The following IKBKB-DT variants were observed in gnomAD, a reference collection of about 807,000 sequenced individuals.
IKBKB-DT encodes IKBKB antisense RNA.
At chr8:42,238,508 C>T (rs1365133275) in intron 3 of IKBKB-DT, among the ~76,000 whole-genome samples, 1 of 152,072 alleles carries the variant, frequency 6.6e-6, no homozygotes, top group South Asian at 2.1e-4. Flanking sequence ...TGGGAGGGGC[C>T]CAAATTTTGC....
chr8:42,254,008 A>G (rs147482705), intron 3 of IKBKB-DT, among the ~76,000 whole-genome samples: 5,553 of 152,348 alleles, frequency 0.036, 342 homozygotes, highest in African/African-American at 0.13. Context: ...TTCTTGGACC[A>G]GTATAAGCAT....
chr8:42,241,669 A>G (rs1807005648), intron 3 of IKBKB-DT, among the ~76,000 whole-genome samples: 1 of 152,232 alleles, frequency 6.6e-6, no homozygotes, highest in Admixed American at 6.5e-5. Flanking sequence ...TCAATGAGCA[A>G]CTAGAAACCT....
intron 3 of IKBKB-DT, among the ~76,000 whole-genome samples, chr8:42,241,920 A>G (rs988585481): frequency 6.6e-6 from 1 of 152,206 alleles, no homozygotes; most frequent in Non-Finnish European, 1.5e-5. Context: ...TACCCATTTA[A>G]AGTAAGCAGA....
At chr8:42,242,251 A>G (rs1807013739) in intron 3 of IKBKB-DT, among the ~76,000 whole-genome samples, 1 of 150,770 alleles carries the variant, frequency 6.6e-6, no homozygotes, top group Admixed American at 6.6e-5. Flanking sequence ...AAAAATAGAC[A>G]TAAGTAAATA....
intron 3 of IKBKB-DT, among the ~76,000 whole-genome samples, chr8:42,236,322 C>T (rs568390943): frequency 6.7e-6 from 1 of 150,302 alleles, no homozygotes; most frequent in Admixed American, 6.6e-5. Flanking sequence ...AGCCATGCTT[C>T]CTATGTAATT....
At chr8:42,255,624 A>G (rs1007248641) in intron 3 of IKBKB-DT, 3 of 152,210 alleles carry the variant, frequency 2.0e-5, no homozygotes, top group Non-Finnish European at 4.4e-5. Context: ...ATCGGATTAT[A>G]TGTTCATTTT....
At chr8:42,239,614 T>TTATATATATATATATGTATATATATA (rs1806972573) in intron 3 of IKBKB-DT, among the ~76,000 whole-genome samples, 1 of 19,910 alleles carries the variant, frequency 5.0e-5, no homozygotes, top group East Asian at 2.6e-3. Context: ...AAAAGGCAAT[T>TTATATATATATATATGTATATATATA]TATATATATA....
At chr8:42,269,086 G>A (rs149840476) in intron 1 of IKBKB-DT, among the ~76,000 whole-genome samples, 183 of 151,738 alleles carry the variant, frequency 1.2e-3, no homozygotes, top group African/African-American at 4.2e-3. Flanking sequence ...AGGCCAAGGC[G>A]GGAGGATTGC....
At chr8:42,248,247 G>A (rs933089366) in intron 3 of IKBKB-DT, among the ~76,000 whole-genome samples, 11 of 152,126 alleles carry the variant, frequency 7.2e-5, no homozygotes, top group African/African-American at 4.8e-5. Context: ...GTGTGAAAAC[G>A]GACTAATATA....
chr8:42,265,894 G>C (rs1807362561), exon 2 of IKBKB-DT, among the ~76,000 whole-genome samples: 1 of 152,074 alleles, frequency 6.6e-6, no homozygotes, highest in Admixed American at 6.6e-5. Flanking sequence ...TCAGTTTCTT[G>C]ATTGGCCCAG....
intron 3 of IKBKB-DT, among the ~76,000 whole-genome samples, chr8:42,256,390 C>T (rs947258860): frequency 2.0e-5 from 3 of 149,064 alleles, no homozygotes; most frequent in East Asian, 2.0e-4. Context: ...AGTGAAACCC[C>T]GTTTCTACCA....
chr8:42,262,958 C>G (rs1378465958), intron 3 of IKBKB-DT, among the ~76,000 whole-genome samples: 1 of 151,786 alleles, frequency 6.6e-6, no homozygotes, highest in Non-Finnish European at 1.5e-5. Flanking sequence ...CCAGGCTGAT[C>G]TCAAACTCCT....
chr8:42,254,240 CAT>C (rs778595714), intron 3 of IKBKB-DT, among the ~76,000 whole-genome samples: 34 of 152,172 alleles, frequency 2.2e-4, no homozygotes, highest in Non-Finnish European at 4.6e-4. Context: ...TTTACTAAAA[CAT>C]AATATTTCTC....
At chr8:42,241,222 A>ATATTTTT (rs1563274607) in intron 3 of IKBKB-DT, among the ~76,000 whole-genome samples, 1 of 66,604 alleles carries the variant, frequency 1.5e-5, no homozygotes, top group Non-Finnish European at 3.2e-5. Flanking sequence ...ATATGTTGGA[A>ATATTTTT]TCTTTTTTTT....
At chr8:42,239,283 C>T (rs1252872061) in intron 3 of IKBKB-DT, among the ~76,000 whole-genome samples, 1 of 152,078 alleles carries the variant, frequency 6.6e-6, no homozygotes, top group East Asian at 2.0e-4. Flanking sequence ...GGGTGACCAT[C>T]CTCGAAGCCC....
chr8:42,253,065 A>G (rs1357618684), intron 3 of IKBKB-DT, among the ~76,000 whole-genome samples: 1 of 152,220 alleles, frequency 6.6e-6, no homozygotes, highest in African/African-American at 2.4e-5. Context: ...GAAGAGATTA[A>G]CGAAGAGTCT....
At chr8:42,237,526 C>T (rs1415046791) in intron 3 of IKBKB-DT, among the ~76,000 whole-genome samples, 2 of 152,124 alleles carry the variant, frequency 1.3e-5, no homozygotes, top group African/African-American at 2.4e-5. Context: ...TTCTAGGGTT[C>T]CCTTGGTCAA....
chr8:42,263,470 T>C (rs920433892), exon 3 of IKBKB-DT: 1 of 152,212 alleles, frequency 6.6e-6, no homozygotes, highest in Non-Finnish European at 1.5e-5. Flanking sequence ...CGGCTGGGAC[T>C]TCCTATAACA....
At chr8:42,233,872 A>T (rs1192512672) in intron 3 of IKBKB-DT, 1 of 152,090 alleles carries the variant, frequency 6.6e-6, no homozygotes, top group Non-Finnish European at 1.5e-5. Context: ...GCAAGATAAG[A>T]TGAGTCAGTT....
Sources: allele counts gnomAD v4.1 joint callset (sites outside exome capture counted in the v4.1 genomes callset), GRCh38; gene constraint gnomAD v4.1.1; transcripts MANE v1.5; gene names NCBI Gene and HGNC (gene_info 2026-07-23, HGNC 2026-07-21).